Variants in GPHN observed in about 807,000 individuals in gnomAD.
The protein encoded by GPHN is gephyrin.
GPHN carries 17 observed loss-of-function variants against 95.5 expected under a neutral mutation model. The observed-to-expected ratio is 0.18, with a 90% CI of 0.12 to 0.27. The LOEUF (loss-of-function observed/expected upper bound fraction) is 0.27, where lower values mean the gene tolerates loss of function less well. Among genes scored for constraint, GPHN ranks in the 10% least tolerant of loss-of-function variants. The pLI, the probability that GPHN is intolerant of heterozygous loss-of-function variation, is 1.00. For synonymous variants in GPHN, 320 were observed against 322.5 expected, an observed-to-expected ratio of 0.99 and a Z score of 0.08; for missense variants, 660 against 978.1, an observed-to-expected ratio of 0.67 and a Z score of 4.34.
chr14:66,900,452 C>CT (rs375291001), intron 5 of GPHN, among the ~76,000 whole-genome samples: 16 of 146,064 alleles, frequency 1.1e-4, no homozygotes, highest in Non-Finnish European at 1.5e-4. Context: ...AGATTTTTTT[C>CT]TTTTTTTTTT....
the GPHN span, among the ~76,000 whole-genome samples, chr14:67,440,797 TTCTATTTCACC>T: frequency 6.6e-6 from 1 of 151,510 alleles, no homozygotes; most frequent in African/African-American, 2.4e-5. Context: ...GCTGCCCTGA[TTCTATTTCACC>T]TCCAGCCTTG....
chr14:67,731,061 A>G, the GPHN span, among the ~76,000 whole-genome samples: 3 of 152,214 alleles, frequency 2.0e-5, no homozygotes, highest in Non-Finnish European at 4.4e-5. Context: ...TAAAGTACAT[A>G]TTTATTAACT....
intron 17 of GPHN, among the ~76,000 whole-genome samples, chr14:67,137,260 C>T (rs1042499920): frequency 3.5e-4 from 53 of 151,586 alleles, no homozygotes; most frequent in Non-Finnish European, 6.0e-4. Context: ...ATTCTCCTGC[C>T]TCAGCCTCCC....
intron 18 of GPHN, 34 bp downstream of exon 18, chr14:67,143,483 C>A: frequency 8.1e-7 from 1 of 1,232,020 alleles, no homozygotes; most frequent in Non-Finnish European, 1.2e-6. Context: ...AATGTATCTG[C>A]TGTAATGTTC....
intron 2 of GPHN, chr14:66,760,770 A>G (rs2058727041): frequency 4.1e-6 from 2 of 483,098 alleles, no homozygotes; most frequent in Admixed American, 4.8e-5. Context: ...GAACCTATCA[A>G]ATACAGAGAG....
At chr14:67,735,132 T>C in the GPHN span, 1 of 808,626 alleles carries the variant, frequency 1.2e-6, no homozygotes, top group African/African-American at 1.7e-5. Context: ...TAGGCATGGG[T>C]GTTGATTCGA....
At chr14:66,843,760 A>T (rs1195887684) in intron 4 of GPHN, among the ~76,000 whole-genome samples, 2 of 152,198 alleles carry the variant, frequency 1.3e-5, no homozygotes, top group African/African-American at 4.8e-5. Context: ...TCCTAAACTG[A>T]CTTTTTAAAC....
chr14:66,714,567 G>T (rs772082742), intron 2 of GPHN, among the ~76,000 whole-genome samples: 5 of 152,120 alleles, frequency 3.3e-5, no homozygotes, highest in Non-Finnish European at 7.4e-5. Flanking sequence ...TTCTTAGAGG[G>T]AATGCTTTCA....
chr14:66,974,051 A>G (rs2070023498), intron 9 of GPHN, among the ~76,000 whole-genome samples: 1 of 152,130 alleles, frequency 6.6e-6, no homozygotes, highest in Admixed American at 6.5e-5. Context: ...TAAGTAACTG[A>G]TTTCTGCCCT....
chr14:67,168,851 A>T, intron 20 of GPHN, 82 bp from the exon 21 acceptor site: 3 of 923,788 alleles, frequency 3.2e-6, no homozygotes, highest in Non-Finnish European at 5.4e-6. Context: ...TCACATTCTG[A>T]TACCCAAAGA....
chr14:67,178,252 G>T (rs180671156), intron 21 of GPHN, among the ~76,000 whole-genome samples: 1 of 152,262 alleles, frequency 6.6e-6, no homozygotes, highest in East Asian at 1.9e-4. Flanking sequence ...TGTAAGGCAG[G>T]CCTGGTGATG....
At chr14:67,133,931 T>C (rs1447380729) in intron 17 of GPHN, among the ~76,000 whole-genome samples, 1 of 152,206 alleles carries the variant, frequency 6.6e-6, no homozygotes, top group East Asian at 1.9e-4. Context: ...TCAAGTCAAA[T>C]AGGCAAATGT....
chr14:66,763,953 G>C (rs1028870632), intron 2 of GPHN, among the ~76,000 whole-genome samples: 6 of 152,112 alleles, frequency 3.9e-5, no homozygotes, highest in African/African-American at 1.4e-4. Context: ...TATGAGAATC[G>C]AATGCCTGAA....
chr14:66,725,237 T>G (rs1318499562), intron 2 of GPHN, among the ~76,000 whole-genome samples: 2 of 152,182 alleles, frequency 1.3e-5, no homozygotes, highest in Non-Finnish European at 2.9e-5. Flanking sequence ...GTGTATGTAT[T>G]TTATTACAGC....
At chr14:67,054,127 G>T (rs1305908691) in intron 10 of GPHN, among the ~76,000 whole-genome samples, 2 of 152,180 alleles carry the variant, frequency 1.3e-5, no homozygotes, top group Non-Finnish European at 2.9e-5. Flanking sequence ...TCAGGCAAGA[G>T]AAAGAAATAA....
intron 9 of GPHN, among the ~76,000 whole-genome samples, chr14:66,986,191 GTTA>G (rs3036829): frequency 0.32 from 49,191 of 151,716 alleles, 10,850 homozygotes; most frequent in African/African-American, 0.61. Context: ...TCAGAGAAAA[GTTA>G]TTATGAGTTA....
chr14:66,529,683 T>C (rs2058834005), intron 1 of GPHN, among the ~76,000 whole-genome samples: 1 of 152,184 alleles, frequency 6.6e-6, no homozygotes, highest in Non-Finnish European at 1.5e-5. Flanking sequence ...GTTGATGCTA[T>C]CCCTTTCTGT....
At chr14:67,557,231 G>T in the GPHN span, 2 of 1,599,170 alleles carry the variant, frequency 1.3e-6, no homozygotes, top group South Asian at 2.2e-5. Flanking sequence ...CCCCGTGTGA[G>T]TGATGGGAAG....
At chr14:66,514,220 CAT>C (rs1306270058) in intron 1 of GPHN, among the ~76,000 whole-genome samples, 3 of 151,940 alleles carry the variant, frequency 2.0e-5, no homozygotes, top group Non-Finnish European at 4.4e-5. Flanking sequence ...GTATAGAATT[CAT>C]ATGAGGCTTT....
Sources: allele counts gnomAD v4.1 joint callset (sites outside exome capture counted in the v4.1 genomes callset), GRCh38; gene constraint gnomAD v4.1.1; transcripts MANE v1.5; gene names NCBI Gene and HGNC (gene_info 2026-07-23, HGNC 2026-07-21).